NPHP3: variants seen among roughly 807,000 people sequenced by gnomAD.
NPHP3 encodes nephrocystin 3.
In NPHP3, 123 loss-of-function variants were observed where a neutral mutation model predicts 171.9. That is an observed-to-expected ratio of 0.72 (90% CI 0.62 to 0.83). The LOEUF (loss-of-function observed/expected upper bound fraction) is 0.83. Among genes scored for constraint, NPHP3 ranks in the 40% least tolerant of loss-of-function variants. The pLI, the probability that NPHP3 is intolerant of heterozygous loss-of-function variation, is 0.00. For missense variants in NPHP3, 1,506 were observed against 1,591.9 expected, an observed-to-expected ratio of 0.95 and a Z score of 0.92; for synonymous variants, 558 against 579.2, an observed-to-expected ratio of 0.96 and a Z score of 0.52.
chr3:132,717,176 T>G (rs1057404540), intron 3 of NPHP3: 3 of 392,194 alleles, frequency 7.6e-6, no homozygotes, highest in Non-Finnish European at 1.4e-5. Context: ...GAAATCATAA[T>G]AAGAAGGAAG....
Position 132,688,813 on chromosome 3 carries a change from G to A in NPHP3, c.2962C>T (p.Leu988Phe). ...DPDHPRVAQS[L>F]HQLASVYVQW... ...ACGTATACACTTGCTAGTTGGTGGA[G>A]GGACTGGGCTACTCTTGGGTGATCG... Residue 988 changes from leucine to phenylalanine, a missense_variant, in exon 21 of 27, where the codon CTC becomes TTC. Leu to Phe is a conservative substitution (Grantham distance 22, BLOSUM62 0). Transcript: ENST00000337331. 6.2e-7 allele frequency: 1 copy of A among 1,614,082 alleles called. No homozygotes were observed. Among genetic ancestry groups the A allele is most frequent in the Non-Finnish European group, 8.5e-7 (1 of 1,180,004 alleles).
rs1576673490 is a variant in NPHP3 at position 132,701,474 on chromosome 3, C to T, written c.1584G>A (p.Val528=). 6.2e-7 allele frequency: 1 copy of T among 1,613,772 alleles called. No homozygotes were observed. Among genetic ancestry groups the T allele is most frequent in the African/African-American group, 1.3e-5 (1 of 74,992 alleles). The change falls in exon 10 of 27, where the codon GTG becomes GTA. Residue 528 remains valine, a synonymous_variant. Transcript: ENST00000337331. ...ACTTCCCAGAACCTGGTCCTCCAGA[C>T]ACGAGAAGAGGTGGAATCGGGGCTG... The part of the protein sequence containing the change: ...AAPAPIPPLL[V]SGGPGSGKSL...
In NPHP3 at chr3:132,689,264, CT is replaced by C. The variant is rs1560002537; in HGVS notation, c.2694-2del. The C allele has an allele frequency of 6.2e-7, 1 of 1,613,272 alleles. No individual in the cohort carries two copies. Among genetic ancestry groups the C allele is most frequent in the Non-Finnish European group, 8.5e-7 (1 of 1,179,282 alleles). ...ACTCAGCAACTCAGCAAAGTGTCCC[CT>C]GTTTCAACAAATAACAGTACTTTAA... is the stretch of plus-strand genomic sequence containing the variant. On this transcript the variant is annotated splice_acceptor_variant, in intron 19 of 26. Transcript: ENST00000337331. LOFTEE classifies it high-confidence loss of function.
At chr3:132,682,675 G>A (rs1559999062) in intron 26 of NPHP3, 28 bp downstream of exon 26, 1 of 1,240,296 alleles carries the variant, frequency 8.1e-7, no homozygotes, top group Admixed American at 1.7e-5. Context: ...AAAAGAGGCT[G>A]TATAAGGAAA....
chr3:132,683,558 AAG>A, intron 24 of NPHP3, 34 bp from the exon 25 acceptor site: 1 of 1,567,746 alleles, frequency 6.4e-7, no homozygotes, highest in Non-Finnish European at 8.8e-7. Context: ...ACAAAAATAT[AAG>A]GCAATAAATA....
intron 16 of NPHP3, chr3:132,693,563 A>G (rs1157625985): frequency 2.0e-5 from 3 of 152,246 alleles, no homozygotes; most frequent in Non-Finnish European, 4.4e-5. Context: ...ACCAAGCTGA[A>G]AAGTTAACAT....
rs111683745 is a variant in NPHP3, at chr3:132,692,687, A to G, written c.2442T>C (p.Tyr814=). 1.7e-4 allele frequency: 278 copies of G among 1,614,106 alleles called. No homozygotes were observed. The Middle Eastern group carries it at 2.3e-3, about 13-fold the overall frequency. The stretch of plus-strand genomic sequence containing the variant: ...GTTGAAACCTAAGCAAGCCACATCC[A>G]TAAGTCAACAAACACATTTTGTATA... ...HSLYKMCLLT[Y]GCGLLRFQHL... Residue 814 remains tyrosine (Y), a synonymous_variant, in exon 17 of 27, where the codon TAT becomes TAC. Transcript: ENST00000337331.
In NPHP3 at chr3:132,713,169, T is replaced by C; in HGVS notation, c.1075A>G (p.Lys359Glu). ...YLTVRKWEIE[K>E]SSLVILFIHL... ...ATAAATAAAATAACTAAAGAACTTTTCTCAATTTCCCATTTTCTTACAGTG... is the reference window on the plus strand; with the variant it reads ...ATAAATAAAATAACTAAAGAACTTTCCTCAATTTCCCATTTTCTTACAGTG... The change falls in exon 6 of 27, where the codon AAA becomes GAA. Residue 359 changes from lysine to glutamate, a missense_variant. By Grantham distance (56) the Lys-to-Glu change is moderately conservative. Coordinates refer to ENST00000337331, the MANE Select transcript of NPHP3 (RefSeq NM_153240.5). 1.3e-6 allele frequency: 2 copies of C among 1,517,038 alleles called. No homozygotes were observed. The highest frequency in any genetic ancestry group is 1.8e-6 in the Non-Finnish European group (2 of 1,105,244). The allele number at this position is 1,517,038 out of a possible 1,614,324, so 94.0% of individuals were successfully genotyped here.
At chr3:132,682,843 C>T in intron 25 of NPHP3, 25 bp from the exon 26 acceptor site, 2 of 1,386,192 alleles carry the variant, frequency 1.4e-6, no homozygotes, top group Non-Finnish European at 2.1e-6. Context: ...TGATAATGCT[C>T]ATGCACACTG....
Position 132,682,635 on chromosome 3 carries a change from G to T in NPHP3, c.3812+68C>A. ...AAAAACATTCAGTAATACATATTTT[G>T]TGCTATTCTAAGACAAAGCTACTTC... On this transcript the variant is annotated intron_variant, in intron 26 of 26. Coordinates refer to ENST00000337331, the MANE Select transcript of NPHP3 (RefSeq NM_153240.5). 6.5e-6 allele frequency: 6 copies of T among 924,096 alleles called. 1 individual carries two copies. The South Asian group carries it at 7.9e-5, about 12-fold the overall frequency. 57.2% of individuals were successfully genotyped at this position (924,096 alleles called of 1,614,324 possible).
intron 6 of NPHP3, chr3:132,712,292 A>C (rs937078250): frequency 2.5e-6 from 1 of 395,060 alleles, no homozygotes; most frequent in Non-Finnish European, 5.0e-6. Context: ...CATAGTTCAA[A>C]TACCTCTCAG....
intron 24 of NPHP3, 106 bp from the exon 25 acceptor site, chr3:132,683,630 A>G (rs1939087227): frequency 4.7e-6 from 4 of 855,376 alleles, no homozygotes; most frequent in Non-Finnish European, 7.3e-6. Context: ...ATTTTGAGGG[A>G]AAAAAATCTC....
At chr3:132,683,573 A>G in intron 24 of NPHP3, 49 bp from the exon 25 acceptor site, 1 of 1,461,360 alleles carries the variant, frequency 6.8e-7, no homozygotes, top group East Asian at 2.3e-5. Context: ...AATAAATACT[A>G]TCTTATCAGA....
At chr3:132,690,433 C>T in intron 19 of NPHP3, 95 bp downstream of exon 19, 1 of 1,207,072 alleles carries the variant, frequency 8.3e-7, no homozygotes, top group Non-Finnish European at 1.2e-6. Context: ...GATACTTAGA[C>T]TAATTTTTAA....
At chr3:132,711,918 A>G (rs979322491) in intron 6 of NPHP3, among the ~76,000 whole-genome samples, 1 of 152,256 alleles carries the variant, frequency 6.6e-6, no homozygotes, top group Non-Finnish European at 1.5e-5. Flanking sequence ...TTAAGGGTCT[A>G]CAATGGGTTA....
intron 1 of NPHP3, 133 bp downstream of exon 1, chr3:132,721,830 C>G (rs915485819): frequency 9.2e-7 from 1 of 1,089,766 alleles, no homozygotes; most frequent in African/African-American, 1.5e-5. Context: ...ATTTCAGACT[C>G]GAAGAGAATA....
chr3:132,699,364 A>C lies in NPHP3; in HGVS notation c.1974T>G (p.Pro658=). The change falls in exon 13 of 27, where the codon CCT becomes CCG. Residue 658 remains proline (P), a synonymous_variant. Coordinates refer to ENST00000337331, the MANE Select transcript of NPHP3 (RefSeq NM_153240.5). ...AGTTGGCATCGTACCTCCATGCTGG[A>C]GGGCATGTTTCTACATTCACAGAAA... The part of the protein sequence containing the change: ...VIVSVNVETC[P]PAWRLWPTLH... 1.2e-6 allele frequency: 2 copies of C among 1,609,200 alleles called. No individual in the cohort carries two copies. The highest frequency in any genetic ancestry group is 1.7e-6 in the Non-Finnish European group (2 of 1,176,306).
Position 132,702,026 on chromosome 3 carries a change from AAAACAAAC to A in NPHP3, c.1525-501_1525-494del, listed in dbSNP as rs373198014. Among the ~76,000 whole-genome samples the A allele has an allele frequency of 6.3e-3, 966 of 152,134 alleles. 9 individuals are homozygous for A. Among genetic ancestry groups the A allele is most frequent in the African/African-American group, 0.022 (917 of 41,436 alleles). On this transcript the variant is annotated intron_variant, in intron 9 of 26. Transcript: ENST00000337331. ...GGGCGACAGAGCAAGACTCCGTCTC[AAAACAAAC>A]AAACAAACAAACAAACAAAAAATGG...
chr3:132,683,562 C>CA, intron 24 of NPHP3, 38 bp from the exon 25 acceptor site: 1 of 1,532,858 alleles, frequency 6.5e-7, no homozygotes, highest in Non-Finnish European at 9.0e-7. Context: ...AAATATAAGG[C>CA]AATAAATACT....
Sources: gnomAD v4.1 joint callset for allele counts (sites outside exome capture counted in the v4.1 genomes callset) on GRCh38, gnomAD v4.1.1 for gene constraint, MANE v1.5 for transcripts, NCBI Gene and HGNC (gene_info 2026-07-23, HGNC 2026-07-21) for gene names.